GLCCI1: variants seen among roughly 807,000 people sequenced by gnomAD.
The protein encoded by GLCCI1 is glucocorticoid induced 1, also known as glucocorticoid-induced transcript 1 protein.
A neutral mutation model predicts 52.2 loss-of-function variants in GLCCI1; 24 were observed. That is an observed-to-expected ratio of 0.46 (90% confidence interval 0.33 to 0.65). GLCCI1 has a LOEUF of 0.65. Ranked by LOEUF, GLCCI1 falls within the 30% of genes least tolerant of loss-of-function variation. The probability of loss-of-function intolerance (pLI) is 0.02; values close to 1 mark genes in which losing one functional copy is unlikely to be tolerated. For synonymous variants in GLCCI1, 310 were observed against 276.5 expected, an observed-to-expected ratio of 1.12 and a Z score of -1.20; for missense variants, 704 against 701.5, an observed-to-expected ratio of 1.00 and a Z score of -0.04.
intron 1 of GLCCI1, among the ~76,000 whole-genome samples, chr7:7,995,570 C>T (rs1391282881): frequency 6.6e-6 from 1 of 152,092 alleles, no homozygotes; most frequent in Non-Finnish European, 1.5e-5. Context: ...ACTATGCAGC[C>T]ATAAAAAAGG....
chr7:8,058,625 C>G (rs1782452119), intron 4 of GLCCI1, among the ~76,000 whole-genome samples: 1 of 151,976 alleles, frequency 6.6e-6, no homozygotes, highest in Admixed American at 6.6e-5. Context: ...AGACTTTACA[C>G]CATACACAAA....
chr7:8,063,313 AT>A (rs150640958), intron 5 of GLCCI1, among the ~76,000 whole-genome samples: 7,820 of 147,428 alleles, frequency 0.053, 324 homozygotes, highest in East Asian at 0.19. Flanking sequence ...AACTTTTTGT[AT>A]TTTTTTTTTC....
At chr7:8,000,450 A>G (rs539693660) in intron 1 of GLCCI1, among the ~76,000 whole-genome samples, 5 of 152,294 alleles carry the variant, frequency 3.3e-5, no homozygotes, top group African/African-American at 9.6e-5. Context: ...ACAGAAAGCA[A>G]TTAGCAAGGA....
chr7:8,082,067 T>C (rs941366925), intron 6 of GLCCI1, among the ~76,000 whole-genome samples: 1 of 152,194 alleles, frequency 6.6e-6, no homozygotes, highest in African/African-American at 2.4e-5. Flanking sequence ...CAAGAGAGAC[T>C]CAATTAAGAT....
Position 8,003,903 on chromosome 7 carries a change from T to C in GLCCI1, c.458-5T>C. 6.2e-7 allele frequency: 1 copy of C among 1,604,998 alleles called. No homozygotes were observed. Among genetic ancestry groups the C allele is most frequent in the Non-Finnish European group, 8.5e-7 (1 of 1,176,760 alleles). On this transcript the variant is annotated splice_region_variant and splice_polypyrimidine_tract_variant and intron_variant, in intron 1 of 7. Coordinates refer to ENST00000223145, the MANE Select transcript of GLCCI1 (RefSeq NM_138426.4). ...ATGACTAATCTTTTTTTTCACTTTC[T>C]GTAGCGGACAAGGCAAAATCTCAGC... is the stretch of plus-strand genomic sequence containing the variant.
At chr7:7,991,185 T>C (rs1381352591) in intron 1 of GLCCI1, among the ~76,000 whole-genome samples, 1 of 152,122 alleles carries the variant, frequency 6.6e-6, no homozygotes, top group Non-Finnish European at 1.5e-5. Context: ...TTCACCCTAT[T>C]GCTAGACAGT....
At chr7:7,971,736 G>T (rs1218772527) in intron 1 of GLCCI1, among the ~76,000 whole-genome samples, 1 of 152,152 alleles carries the variant, frequency 6.6e-6, no homozygotes, top group Non-Finnish European at 1.5e-5. Flanking sequence ...TTGTGATCTG[G>T]CTTAAACTAT....
At position 8,083,181 on chromosome 7, in the gene GLCCI1, G is replaced by A. The variant is rs1783034269; in HGVS notation, c.1178-1716G>A. Among the ~76,000 whole-genome samples the A allele has an allele frequency of 2.0e-5, 3 of 152,138 alleles. No individual in the cohort carries two copies. In the South Asian group the frequency reaches 6.2e-4, roughly 31 times the overall value. On this transcript the variant is annotated intron_variant, in intron 6 of 7. Transcript: ENST00000223145. ...TATATATTTATAGGGTACATGAGAT[G>A]TTTTGATACACGTATGTAGTGTGAA...
At chr7:8,008,022 C>T (rs1033652399) in intron 2 of GLCCI1, among the ~76,000 whole-genome samples, 1 of 152,124 alleles carries the variant, frequency 6.6e-6, no homozygotes, top group Non-Finnish European at 1.5e-5. Context: ...TAGACACACA[C>T]ACATTTGAAA....
intron 1 of GLCCI1, among the ~76,000 whole-genome samples, chr7:8,001,588 C>T (rs932175201): frequency 3.3e-5 from 5 of 152,264 alleles, no homozygotes; most frequent in South Asian, 2.1e-4. Flanking sequence ...TTTGACCCAG[C>T]GATCCCATTA....
At chr7:7,974,604 C>T (rs1026206595) in intron 1 of GLCCI1, among the ~76,000 whole-genome samples, 11 of 152,136 alleles carry the variant, frequency 7.2e-5, no homozygotes, top group Non-Finnish European at 8.8e-5. Context: ...AACTGGGCTC[C>T]ACAGCAGTGA....
chr7:8,053,796 C>G (rs565508118), intron 3 of GLCCI1, among the ~76,000 whole-genome samples: 21 of 152,202 alleles, frequency 1.4e-4, no homozygotes, highest in Non-Finnish European at 2.8e-4. Context: ...GGATTGTAAA[C>G]AAGAGCATAA....
chr7:8,082,857 A>G (rs777696583), intron 6 of GLCCI1, among the ~76,000 whole-genome samples: 3 of 152,266 alleles, frequency 2.0e-5, no homozygotes, highest in Admixed American at 6.5e-5. Context: ...GTTATGAGAA[A>G]GTCCTTTGAA....
At chr7:8,064,041 A>C (rs1782576384) in intron 5 of GLCCI1, among the ~76,000 whole-genome samples, 1 of 152,040 alleles carries the variant, frequency 6.6e-6, no homozygotes, top group African/African-American at 2.4e-5. Flanking sequence ...ATTTTCTCCC[A>C]TTATGTAGGT....
At chr7:8,015,709 C>A (rs1470353578) in intron 2 of GLCCI1, among the ~76,000 whole-genome samples, 1 of 152,132 alleles carries the variant, frequency 6.6e-6, no homozygotes, top group Admixed American at 6.5e-5. Flanking sequence ...GATTTTAACC[C>A]ATAACTAAAA....
chr7:7,980,677 TC>T, intron 1 of GLCCI1: 1 of 771,982 alleles, frequency 1.3e-6, no homozygotes, highest in Non-Finnish European at 2.2e-6. Flanking sequence ...GGGCACAATG[TC>T]CATGGTGAAT....
chr7:8,074,111 A>T (rs955082102), intron 6 of GLCCI1, among the ~76,000 whole-genome samples: 42 of 152,336 alleles, frequency 2.8e-4, no homozygotes, highest in African/African-American at 9.9e-4. Context: ...CTTATTGAGC[A>T]TTTATTGTAT....
chr7:8,071,950 G>A (rs1032043297), intron 6 of GLCCI1, among the ~76,000 whole-genome samples: 1 of 152,188 alleles, frequency 6.6e-6, no homozygotes, highest in Non-Finnish European at 1.5e-5. Context: ...TATGGTCCTT[G>A]TTCTGAATTG....
rs570397186 is a variant in GLCCI1 at position 8,076,639 on chromosome 7, A to C, written c.1177+5508A>C. 2.6e-4 allele frequency among the ~76,000 whole-genome samples: 39 copies of C among 152,348 alleles called. No homozygotes were observed. The South Asian group carries it at 6.8e-3, about 27-fold the overall frequency. ...TCAAAACTACTTAAATATACAACTC[A>C]GTTTTAGCCATTATTGCTCAGTTTA... On this transcript the variant is annotated intron_variant, in intron 6 of 7. Transcript: ENST00000223145.
Sources: gnomAD v4.1 joint callset for allele counts (sites outside exome capture counted in the v4.1 genomes callset) on GRCh38, gnomAD v4.1.1 for gene constraint, MANE v1.5 for transcripts, NCBI Gene and HGNC (gene_info 2026-07-23, HGNC 2026-07-21) for gene names.